PBX3: variants seen among roughly 807,000 people sequenced by gnomAD.
The protein encoded by PBX3 is pre-B-cell leukemia transcription factor 3.
In PBX3, 14 loss-of-function variants were observed where a neutral mutation model predicts 48.5. The observed-to-expected ratio is 0.29, with a 90% CI of 0.19 to 0.45. The LOEUF (loss-of-function observed/expected upper bound fraction) is 0.45. Ranked by LOEUF, PBX3 falls within the 20% of genes least tolerant of loss-of-function variation. PBX3 has a pLI of 1.00. For synonymous variants in PBX3, 210 were observed against 200.3 expected (o/e 1.05, Z -0.41); for missense variants, 386 against 546.7 (o/e 0.71, Z 2.93).
intron 2 of PBX3, among the ~76,000 whole-genome samples, chr9:125,856,891 T>G (rs1839737904): frequency 6.6e-6 from 1 of 152,214 alleles, no homozygotes; most frequent in South Asian, 2.1e-4. Flanking sequence ...ATGCTTTTGG[T>G]TGGTATGCCT....
chr9:125,780,195 T>TC (rs1428896736), intron 2 of PBX3, among the ~76,000 whole-genome samples: 2 of 82,428 alleles, frequency 2.4e-5, no homozygotes, highest in Non-Finnish European at 4.7e-5. Flanking sequence ...GAGGTGCTGA[T>TC]CCCCCCACCT....
intron 2 of PBX3, among the ~76,000 whole-genome samples, chr9:125,818,945 C>T (rs545058377): frequency 6.1e-4 from 92 of 151,992 alleles, no homozygotes; most frequent in Non-Finnish European, 8.8e-4. Context: ...AAGGAATTCA[C>T]CTGCCTCAAC....
intron 2 of PBX3, among the ~76,000 whole-genome samples, chr9:125,768,872 G>A (rs191121464): frequency 5.9e-5 from 9 of 152,178 alleles, no homozygotes; most frequent in East Asian, 1.9e-4. Context: ...TATTATTAGC[G>A]CCAAAACTGT....
At chr9:125,844,326 CA>C (rs917366219) in intron 2 of PBX3, among the ~76,000 whole-genome samples, 1 of 120,982 alleles carries the variant, frequency 8.3e-6, no homozygotes, top group African/African-American at 3.1e-5. Flanking sequence ...GATTTAAAAA[CA>C]AAAAAAATCA....
At chr9:125,932,677 G>A (rs188326797) in intron 4 of PBX3, among the ~76,000 whole-genome samples, 1 of 152,292 alleles carries the variant, frequency 6.6e-6, no homozygotes, top group East Asian at 1.9e-4. Context: ...AGTAAAACAT[G>A]TCTGATAGAA....
intron 5 of PBX3, among the ~76,000 whole-genome samples, chr9:125,936,292 AC>A (rs1386703245): frequency 6.6e-6 from 1 of 152,240 alleles, no homozygotes; most frequent in Non-Finnish European, 1.5e-5. Flanking sequence ...AAACAAGTGT[AC>A]CTCTTTAGAA....
chr9:125,862,877 C>G (rs149689726), intron 2 of PBX3, among the ~76,000 whole-genome samples: 2 of 151,884 alleles, frequency 1.3e-5, no homozygotes, highest in East Asian at 3.9e-4. Flanking sequence ...CATGTGTGTA[C>G]AAGAGTGATG....
chr9:125,781,486 G>A (rs1349232340), intron 2 of PBX3, among the ~76,000 whole-genome samples: 3 of 149,806 alleles, frequency 2.0e-5, no homozygotes, highest in Non-Finnish European at 4.4e-5. Context: ...TCCAGCTTCG[G>A]CTAGGCATCA....
intron 2 of PBX3, among the ~76,000 whole-genome samples, chr9:125,843,177 G>A (rs904603736): frequency 6.6e-6 from 1 of 152,002 alleles, no homozygotes; most frequent in Non-Finnish European, 1.5e-5. Context: ...CTTGTTATTT[G>A]GTTCTACTGT....
At chr9:125,850,270 T>G (rs1357385253) in intron 2 of PBX3, among the ~76,000 whole-genome samples, 1 of 152,030 alleles carries the variant, frequency 6.6e-6, no homozygotes, top group African/African-American at 2.4e-5. Context: ...TTCTGAATGA[T>G]GGGAGGTTTG....
chr9:125,912,155 T>C (rs1841218392), intron 2 of PBX3, among the ~76,000 whole-genome samples: 1 of 152,188 alleles, frequency 6.6e-6, no homozygotes, highest in African/African-American at 2.4e-5. Context: ...AGGCTCCTAC[T>C]GTACAATCTA....
intron 2 of PBX3, among the ~76,000 whole-genome samples, chr9:125,754,381 A>G (rs1836454937): frequency 6.6e-6 from 1 of 152,144 alleles, no homozygotes; most frequent in African/African-American, 2.4e-5. Flanking sequence ...TGAGTCTTCA[A>G]GTATGAAGAG....
chr9:125,751,373 C>CAGTG (rs542911736), intron 2 of PBX3, among the ~76,000 whole-genome samples: 10 of 152,184 alleles, frequency 6.6e-5, no homozygotes, highest in Non-Finnish European at 1.5e-4. Context: ...TCTGATCAGG[C>CAGTG]AGTGAACACT....
intron 2 of PBX3, among the ~76,000 whole-genome samples, chr9:125,785,871 G>T (rs1837444241): frequency 6.6e-6 from 1 of 151,984 alleles, no homozygotes; most frequent in African/African-American, 2.4e-5. Context: ...CACTAAACCA[G>T]GTTGGGAGAT....
chr9:125,932,356 GA>G (rs143906758), intron 4 of PBX3, among the ~76,000 whole-genome samples: 7,295 of 152,252 alleles, frequency 0.048, 590 homozygotes, highest in African/African-American at 0.17. Context: ...TATTCAGACT[GA>G]AAGTCATGTA....
intron 2 of PBX3, chr9:125,748,845 G>A (rs926901604): frequency 7.7e-5 from 29 of 376,696 alleles, no homozygotes; most frequent in Non-Finnish European, 3.4e-5. Flanking sequence ...GACCGGGCTG[G>A]ATCGCCGTCC....
intron 3 of PBX3, among the ~76,000 whole-genome samples, chr9:125,919,675 G>T (rs1841415281): frequency 6.6e-6 from 1 of 152,110 alleles, no homozygotes; most frequent in Admixed American, 6.5e-5. Flanking sequence ...AACTACATTA[G>T]AATCTTAGAG....
Position 125,965,902 on chromosome 9 carries a change from G to A in PBX3, c.1284G>A (p.Val428=), listed in dbSNP as rs1333141704. The A allele has an allele frequency of 4.3e-6, 7 of 1,613,772 alleles. No individual in the cohort carries two copies. The highest frequency in any genetic ancestry group is 5.9e-6 in the Non-Finnish European group (7 of 1,179,678). Residue 428 remains valine (V), a synonymous_variant, in exon 9 of 9, where the codon GTG becomes GTA. Coordinates refer to ENST00000373489, the MANE Select transcript of PBX3 (RefSeq NM_006195.6). ...VTSPTEGPGS[V]HSDTSN ...CTCCTACAGAAGGCCCAGGAAGTGT[G>A]CACTCGGATACCTCTAACTAATCTC...
intron 2 of PBX3, among the ~76,000 whole-genome samples, chr9:125,777,610 C>A (rs902241396): frequency 1.7e-4 from 26 of 151,698 alleles, no homozygotes; most frequent in African/African-American, 6.3e-4. Flanking sequence ...GCAATCTGCC[C>A]GCCTCGGCCT....
Sources: gnomAD v4.1 joint callset for allele counts (sites outside exome capture counted in the v4.1 genomes callset) on GRCh38, gnomAD v4.1.1 for gene constraint, MANE v1.5 for transcripts, NCBI Gene and HGNC (gene_info 2026-07-23, HGNC 2026-07-21) for gene names.